The following SMARCA5 variants were observed in gnomAD, a reference collection of about 807,000 sequenced individuals.
SMARCA5 encodes the protein SNF2 related chromatin remodeling ATPase 5.
SMARCA5 carries 18 observed loss-of-function variants against 140.4 expected under a neutral mutation model. The observed-to-expected ratio is 0.13, with a 90% CI of 0.09 to 0.19. SMARCA5 has a LOEUF of 0.19. SMARCA5 is among the 10% of genes least tolerant of loss of function. SMARCA5 has a pLI of 1.00. For synonymous variants in SMARCA5, 449 were observed against 419.6 expected, an observed-to-expected ratio of 1.07 and a Z score of -0.86; for missense variants, 606 against 1,276.8, an observed-to-expected ratio of 0.47 and a Z score of 8.01.
intron 13 of SMARCA5, among the ~76,000 whole-genome samples, chr4:143,539,586 G>C (rs1285878068): frequency 6.6e-6 from 1 of 151,456 alleles, no homozygotes; most frequent in Admixed American, 6.6e-5. Context: ...GCTCAGGCTG[G>C]GGTGCAATGG....
At chr4:143,549,700 T>TA (rs1211524042) in intron 22 of SMARCA5, among the ~76,000 whole-genome samples, 1 of 152,146 alleles carries the variant, frequency 6.6e-6, no homozygotes, top group Non-Finnish European at 1.5e-5. Context: ...ACATACACAC[T>TA]AAGTAGCAGT....
intron 15 of SMARCA5, 34 bp from the exon 16 acceptor site, chr4:143,543,819 G>C (rs1737474498): frequency 6.3e-7 from 1 of 1,576,662 alleles, no homozygotes; most frequent in African/African-American, 1.4e-5. Flanking sequence ...TTTCTTTGCT[G>C]TGAATCTAAG....
At chr4:143,551,239 T>C (rs1737634636) in intron 23 of SMARCA5, among the ~76,000 whole-genome samples, 1 of 152,084 alleles carries the variant, frequency 6.6e-6, no homozygotes. Flanking sequence ...ATCTTTTGCC[T>C]ATTTTTAAAT....
chr4:143,539,537 CTTT>C (rs11356061), intron 13 of SMARCA5, among the ~76,000 whole-genome samples: 36 of 126,436 alleles, frequency 2.8e-4, no homozygotes, highest in Admixed American at 3.1e-4. Context: ...TAGTCACTTT[CTTT>C]TTTTTTTTTT....
rs1273922054 is a variant in SMARCA5 at position 143,547,020 on chromosome 4, C to A, written c.2653+112C>A. ...TAATTTTGTCACAGTGTAGTTAGTA[C>A]CTTCTTCATTATTTTTTACAAATTA... On this transcript the variant is annotated intron_variant, in intron 20 of 23. Coordinates refer to ENST00000283131, the MANE Select transcript of SMARCA5 (RefSeq NM_003601.4). The A allele has an allele frequency of 7.8e-6, 7 of 897,902 alleles. No homozygotes were observed. The African/African-American group carries it at 1.0e-4, about 13-fold the overall frequency. 55.6% of individuals were successfully genotyped at this position (897,902 alleles called of 1,614,324 possible).
At chr4:143,544,436 T>C (rs1737484046) in intron 16 of SMARCA5, 1 of 216,248 alleles carries the variant, frequency 4.6e-6, no homozygotes, top group African/African-American at 2.3e-5. Context: ...TTTTGTAGGC[T>C]AATTATGTGT....
Position 143,556,988 on chromosome 4 carries a change from T to C in SMARCA5, c.*3804T>C, listed in dbSNP as rs1737773030. ...CACAGGCATAAGAGGCAAAGCATTG[T>C]TTCAGAAGTGGACTGGCACCTCACC... On this transcript the variant is annotated 3_prime_UTR_variant, in exon 24 of 24. Coordinates refer to ENST00000283131, the MANE Select transcript of SMARCA5 (RefSeq NM_003601.4). 1 of 152,226 alleles carries C rather than the reference T, an allele frequency of 6.6e-6. No individual in the cohort carries two copies. Among genetic ancestry groups the C allele is most frequent in the Non-Finnish European group, 1.5e-5 (1 of 68,042 alleles). The allele number at this position is 152,226 out of a possible 1,614,324, so 9.4% of individuals were successfully genotyped here.
At chr4:143,549,940 T>A in intron 22 of SMARCA5, 57 bp from the exon 23 acceptor site, 1 of 939,964 alleles carries the variant, frequency 1.1e-6, no homozygotes, top group Non-Finnish European at 1.7e-6. Context: ...GTTTTAAAAT[T>A]GAAATCATGA....
At chr4:143,539,060 C>A in intron 13 of SMARCA5, 122 bp downstream of exon 13, 1 of 837,976 alleles carries the variant, frequency 1.2e-6, no homozygotes, top group South Asian at 1.7e-5. Flanking sequence ...TCTAATGGTT[C>A]AGTGAGAGTA....
At chr4:143,523,370 T>G (rs1465043600) in intron 3 of SMARCA5, among the ~76,000 whole-genome samples, 1 of 152,174 alleles carries the variant, frequency 6.6e-6, no homozygotes, top group African/African-American at 2.4e-5. Flanking sequence ...TATATTCAAT[T>G]TTTAACAATA....
chr4:143,520,539 C>A (rs1483768892), intron 2 of SMARCA5, among the ~76,000 whole-genome samples: 1 of 152,134 alleles, frequency 6.6e-6, no homozygotes, highest in Non-Finnish European at 1.5e-5. Context: ...TTTAAAAATA[C>A]GTAGTTGTTA....
In SMARCA5 at chr4:143,554,702, A is replaced by G. The variant is rs1737713165; in HGVS notation, c.*1518A>G. 6.3e-6 allele frequency: 1 copy of G among 159,724 alleles called. No homozygotes were observed. The highest frequency in any genetic ancestry group is 1.4e-5 in the Non-Finnish European group (1 of 73,274). The allele number at this position is 159,724 out of a possible 1,614,324, so 9.9% of individuals were successfully genotyped here. A position where few individuals can be genotyped will look rare whatever the true frequency, so the allele number is the denominator to read the frequency against. On this transcript the variant is annotated 3_prime_UTR_variant, in exon 24 of 24. Transcript: ENST00000283131. ...TAGATTCTTAACAGTTAAAGGTCTA[A>G]TACATGCATGAGGAATGGTTACTTA...
At chr4:143,534,810 T>G (rs1434492981) in intron 9 of SMARCA5, 45 bp from the exon 10 acceptor site, 2 of 1,321,228 alleles carry the variant, frequency 1.5e-6, no homozygotes, top group Non-Finnish European at 2.1e-6. Flanking sequence ...AATATGACCT[T>G]ATGTGTAATA....
At chr4:143,536,930 T>C (rs1433111842) in intron 11 of SMARCA5, among the ~76,000 whole-genome samples, 1 of 152,192 alleles carries the variant, frequency 6.6e-6, no homozygotes, top group African/African-American at 2.4e-5. Context: ...TTATATATAC[T>C]TTCCTAGAAA....
At chr4:143,522,288 T>C (rs1736978860) in intron 3 of SMARCA5, among the ~76,000 whole-genome samples, 1 of 152,194 alleles carries the variant, frequency 6.6e-6, no homozygotes, top group South Asian at 2.1e-4. Context: ...TGAAAATAAT[T>C]CTTACATGTT....
At chr4:143,519,870 T>G (rs1457380542) in intron 2 of SMARCA5, among the ~76,000 whole-genome samples, 1 of 152,124 alleles carries the variant, frequency 6.6e-6, no homozygotes, top group Non-Finnish European at 1.5e-5. Context: ...TCTTCTCCAT[T>G]TCTACCATGC....
rs141567379 is a variant in SMARCA5 at position 143,518,569 on chromosome 4, C to T, written c.252+1140C>T. On this transcript the variant is annotated intron_variant, in intron 2 of 23. Coordinates refer to ENST00000283131, the MANE Select transcript of SMARCA5 (RefSeq NM_003601.4). ...CTTTTTTCTTGTCCTTTGACTTTCT[C>T]TTCCAAATCAGTAAATATTTTTGAA... Among the ~76,000 whole-genome samples, 110 of 152,178 alleles carry T rather than the reference C, an allele frequency of 7.2e-4. 1 individual carries two copies. The highest frequency in any genetic ancestry group is 2.5e-3 in the African/African-American group (103 of 41,530).
Position 143,544,727 on chromosome 4 carries a change from C to T in SMARCA5, c.2173-10C>T, listed in dbSNP as rs369227701. 142 of 1,504,726 alleles carry T rather than the reference C, an allele frequency of 9.4e-5. No homozygotes were observed. Among genetic ancestry groups the T allele is most frequent in the Non-Finnish European group, 1.3e-4 (139 of 1,092,208 alleles). The allele number at this position is 1,504,726 out of a possible 1,614,324, so 93.2% of individuals were successfully genotyped here. ...AAAGTTGGTGATTTGAGTTGTTTCC[C>T]ATGTGCTAGATTGCATTCACAGAGT... is the stretch of plus-strand genomic sequence containing the variant. On this transcript the variant is annotated splice_polypyrimidine_tract_variant and intron_variant, in intron 16 of 23. Transcript: ENST00000283131.
chr4:143,524,100 C>G (rs1414376007), intron 3 of SMARCA5, among the ~76,000 whole-genome samples: 1 of 151,992 alleles, frequency 6.6e-6, no homozygotes, highest in Non-Finnish European at 1.5e-5. Flanking sequence ...CTACATAGTT[C>G]TTGAAATTTG....
Sources: allele counts gnomAD v4.1 joint callset (sites outside exome capture counted in the v4.1 genomes callset), GRCh38; gene constraint gnomAD v4.1.1; transcripts MANE v1.5; gene names NCBI Gene and HGNC (gene_info 2026-07-23, HGNC 2026-07-21).